Variants in ARID5B observed in about 807,000 individuals in gnomAD.
ARID5B encodes AT-rich interactive domain-containing protein 5B.
Under a neutral mutation model 97.2 loss-of-function variants are expected in ARID5B, and 13 were observed. The observed-to-expected ratio is 0.13, with a 90% CI of 0.09 to 0.21. The LOEUF is 0.21. Among genes scored for constraint, ARID5B ranks in the 10% least tolerant of loss-of-function variants. The pLI, the probability that ARID5B is intolerant of heterozygous loss-of-function variation, is 1.00. For missense variants in ARID5B, 1,210 were observed against 1,465.3 expected, an observed-to-expected ratio of 0.83 and a Z score of 2.84; for synonymous variants, 556 against 570.3, an observed-to-expected ratio of 0.97 and a Z score of 0.36.
chr10:62,069,651 A>G, intron 7 of ARID5B, 49 bp from the exon 8 acceptor site: 5 of 1,527,976 alleles, frequency 3.3e-6, no homozygotes, highest in South Asian at 1.1e-5. Flanking sequence ...GCCTGGCACT[A>G]TGAATCTCTT....
At chr10:62,061,241 GTA>G (rs1484297086) in intron 7 of ARID5B, among the ~76,000 whole-genome samples, 1 of 152,190 alleles carries the variant, frequency 6.6e-6, no homozygotes, top group Non-Finnish European at 1.5e-5. Context: ...ACTTACTCAC[GTA>G]GAGATGAGAG....
Position 62,000,460 on chromosome 10 carries a change from A to T in ARID5B, c.733+139A>T, listed in dbSNP as rs369322134. ...GCTGCCCCACCCCTCCCATCCCCCAAATTATTGCGGCATAAGGCGTCATTG... is the reference window on the plus strand; with the variant it reads ...GCTGCCCCACCCCTCCCATCCCCCATATTATTGCGGCATAAGGCGTCATTG... On this transcript the variant is annotated intron_variant, in intron 4 of 9. Transcript: ENST00000279873. The surrounding 1 kb of genome is among the most constrained non-coding windows in gnomAD (Gnocchi z 4.4). 11 of 735,346 alleles carry T rather than the reference A, an allele frequency of 1.5e-5. No homozygotes were observed. Among genetic ancestry groups the T allele is most frequent in the Non-Finnish European group, 2.2e-5 (10 of 458,116 alleles). 45.6% of individuals were successfully genotyped at this position (735,346 alleles called of 1,614,324 possible).
At chr10:62,054,281 A>G (rs1211411591) in intron 5 of ARID5B, among the ~76,000 whole-genome samples, 1 of 152,224 alleles carries the variant, frequency 6.6e-6, no homozygotes, top group Non-Finnish European at 1.5e-5. Context: ...ATAATTTAAT[A>G]GATTGAAATG....
At chr10:61,969,239 G>A (rs972573523) in intron 3 of ARID5B, among the ~76,000 whole-genome samples, 1 of 152,098 alleles carries the variant, frequency 6.6e-6, no homozygotes, top group Non-Finnish European at 1.5e-5. Flanking sequence ...ACGATTTTCA[G>A]CAAGTCCTAA....
chr10:62,008,621 T>C (rs192123686), intron 4 of ARID5B, among the ~76,000 whole-genome samples: 64 of 152,364 alleles, frequency 4.2e-4, no homozygotes, highest in African/African-American at 1.5e-3. Flanking sequence ...TCATCTCTGT[T>C]ATGCCAGCCT....
chr10:61,917,215 C>T (rs1472515926), intron 2 of ARID5B, among the ~76,000 whole-genome samples: 3 of 151,910 alleles, frequency 2.0e-5, no homozygotes, highest in Non-Finnish European at 4.4e-5. Context: ...TCAGTTTCTA[C>T]CTAGCATTGC....
chr10:61,918,096 G>T (rs1429091136), intron 2 of ARID5B, among the ~76,000 whole-genome samples: 3 of 152,248 alleles, frequency 2.0e-5, no homozygotes, highest in Non-Finnish European at 4.4e-5. Context: ...CACAGGTCTA[G>T]TGGGAAATGA....
In ARID5B at chr10:62,093,441, C is replaced by A; in HGVS notation, c.*411C>A. 3.9e-6 allele frequency: 1 copy of A among 253,168 alleles called. No homozygotes were observed. Among genetic ancestry groups the A allele is most frequent in the Non-Finnish European group, 7.6e-6 (1 of 131,356 alleles). 15.7% of individuals were successfully genotyped at this position (253,168 alleles called of 1,614,324 possible). A position where few individuals can be genotyped will look rare whatever the true frequency, so the allele number is the denominator to read the frequency against. The stretch of plus-strand genomic sequence containing the variant: ...CTGGCAAACAGATGGCAAGGGATGC[C>A]CCTCTTTTTCATAAAACTCTCCAAG... On this transcript the variant is annotated 3_prime_UTR_variant, in exon 10 of 10. Transcript: ENST00000279873.
At chr10:62,019,707 T>A (rs1275145860) in intron 4 of ARID5B, among the ~76,000 whole-genome samples, 1 of 152,228 alleles carries the variant, frequency 6.6e-6, no homozygotes, top group African/African-American at 2.4e-5. Context: ...TGGCCATTTA[T>A]AAGCCAACCT....
chr10:62,096,394 G>A lies in ARID5B; in HGVS notation c.*3364G>A, dbSNP rs181333781. ...ACATTTGGTGGTGGTCAGCCAAGTCGCATCTGGTCTAGTTTTACTCTTGTC... is the reference window on the plus strand; with the variant it reads ...ACATTTGGTGGTGGTCAGCCAAGTCACATCTGGTCTAGTTTTACTCTTGTC... On this transcript the variant is annotated 3_prime_UTR_variant, in exon 10 of 10. Transcript: ENST00000279873. 60 of 233,488 alleles carry A rather than the reference G, an allele frequency of 2.6e-4. No individual in the cohort carries two copies. Among genetic ancestry groups the A allele is most frequent in the Non-Finnish European group, 3.9e-4 (46 of 117,946 alleles). 14.5% of individuals were successfully genotyped at this position (233,488 alleles called of 1,614,324 possible).
At chr10:61,915,142 C>G (rs1843878972) in intron 2 of ARID5B, among the ~76,000 whole-genome samples, 1 of 152,180 alleles carries the variant, frequency 6.6e-6, no homozygotes, top group African/African-American at 2.4e-5. Context: ...GCACTTTACA[C>G]TCCACATAGC....
At chr10:61,962,017 G>C (rs961284959) in intron 3 of ARID5B, among the ~76,000 whole-genome samples, 1 of 152,212 alleles carries the variant, frequency 6.6e-6, no homozygotes, top group African/African-American at 2.4e-5. Context: ...CCAAAGTGCT[G>C]GGATTACAGG....
chr10:62,084,951 G>A (rs939861226), intron 8 of ARID5B, among the ~76,000 whole-genome samples: 6 of 152,192 alleles, frequency 3.9e-5, no homozygotes, highest in Non-Finnish European at 8.8e-5. Context: ...AGAGCTGTGG[G>A]ATAAGACTAA....
At chr10:62,061,421 A>G (rs1366896637) in intron 7 of ARID5B, among the ~76,000 whole-genome samples, 1 of 152,212 alleles carries the variant, frequency 6.6e-6, no homozygotes, top group East Asian at 1.9e-4. Flanking sequence ...AAAACATAAA[A>G]TAGAGTGATG....
chr10:62,046,725 A>T (rs1207567573), intron 4 of ARID5B: 1 of 152,122 alleles, frequency 6.6e-6, no homozygotes, highest in East Asian at 1.9e-4. Flanking sequence ...CTGATTAGGC[A>T]GAAGAGTCAG....
chr10:62,029,237 C>T (rs1839463294), intron 4 of ARID5B, among the ~76,000 whole-genome samples: 1 of 152,198 alleles, frequency 6.6e-6, no homozygotes, highest in Non-Finnish European at 1.5e-5. Context: ...ATGTCCACGT[C>T]ATAGGGACTG....
intron 3 of ARID5B, among the ~76,000 whole-genome samples, 165 bp downstream of exon 3, chr10:61,940,573 G>A (rs1411574988): frequency 6.6e-6 from 1 of 152,074 alleles, no homozygotes; most frequent in African/African-American, 2.4e-5. Flanking sequence ...GGATGGGTAA[G>A]GGATGAGTGT....
chr10:62,061,597 T>C (rs1161151516), intron 7 of ARID5B, among the ~76,000 whole-genome samples: 4 of 152,192 alleles, frequency 2.6e-5, no homozygotes, highest in Non-Finnish European at 5.9e-5. Context: ...TCCCATGCCA[T>C]GCCCCAAAGT....
chr10:62,059,146 T>A, intron 6 of ARID5B, 97 bp from the exon 7 acceptor site: 1 of 1,025,488 alleles, frequency 9.8e-7, no homozygotes, highest in Non-Finnish European at 1.4e-6. Context: ...TATTTCTTTT[T>A]TTCTCTTTCT....
Sources: allele counts gnomAD v4.1 joint callset (sites outside exome capture counted in the v4.1 genomes callset), GRCh38; gene constraint gnomAD v4.1.1; non-coding constraint Gnocchi (gnomAD v3.1); transcripts MANE v1.5; gene names NCBI Gene and HGNC (gene_info 2026-07-23, HGNC 2026-07-21).